The following PRKN variants were observed in gnomAD, a reference collection of about 807,000 sequenced individuals.
PRKN encodes the protein parkin RBR E3 ubiquitin protein ligase, also known as E3 ubiquitin-protein ligase parkin.
PRKN carries 56 observed loss-of-function variants against 59.5 expected under a neutral mutation model. The observed-to-expected ratio is 0.94, with a 90% confidence interval of 0.76 to 1.18. The LOEUF (loss-of-function observed/expected upper bound fraction) is 1.18. Ranked by LOEUF, PRKN falls within the 50% of genes most tolerant of loss-of-function variation. The pLI, the probability that PRKN is intolerant of heterozygous loss-of-function variation, is 0.00. For missense variants in PRKN, 657 were observed against 596.4 expected (o/e 1.10, Z -1.06); for synonymous variants, 250 against 222.1 (o/e 1.13, Z -1.12).
intron 9 of PRKN, among the ~76,000 whole-genome samples, chr6:161,450,207 C>T (rs1789667089): frequency 6.6e-6 from 1 of 152,190 alleles, no homozygotes; most frequent in South Asian, 2.1e-4. Flanking sequence ...CAAAGGAGGA[C>T]TTGCCCTGAT....
At chr6:161,891,965 A>C (rs1795359380) in intron 6 of PRKN, among the ~76,000 whole-genome samples, 1 of 126,836 alleles carries the variant, frequency 7.9e-6, no homozygotes, top group South Asian at 2.7e-4. Flanking sequence ...TTTTCTTGGA[A>C]GTGGATGGTT....
chr6:161,570,659 T>C (rs1420580136), intron 7 of PRKN, among the ~76,000 whole-genome samples: 1 of 152,180 alleles, frequency 6.6e-6, no homozygotes, highest in Non-Finnish European at 1.5e-5. Context: ...GAATATAGTA[T>C]ATAATACATA....
At chr6:161,696,367 G>C (rs1246412124) in intron 7 of PRKN, among the ~76,000 whole-genome samples, 1 of 152,128 alleles carries the variant, frequency 6.6e-6, no homozygotes, top group African/African-American at 2.4e-5. Flanking sequence ...AACAAATAAA[G>C]GGAAGAACTC....
chr6:162,339,528 C>A (rs1202220416), intron 2 of PRKN, among the ~76,000 whole-genome samples: 1 of 144,346 alleles, frequency 6.9e-6, no homozygotes, highest in Non-Finnish European at 1.6e-5. Context: ...GGGGTCAGCC[C>A]CCCGCCCGGC....
chr6:162,472,694 T>C (rs1416845234), intron 1 of PRKN, among the ~76,000 whole-genome samples: 1 of 125,708 alleles, frequency 8.0e-6, no homozygotes, highest in East Asian at 2.8e-4. Flanking sequence ...GGTTTCACCT[T>C]GTTAGCCAGG....
chr6:161,435,509 G>T (rs750786788), intron 9 of PRKN, among the ~76,000 whole-genome samples: 7 of 151,656 alleles, frequency 4.6e-5, no homozygotes, highest in South Asian at 4.2e-4. Flanking sequence ...AAATATTGGC[G>T]CATTAAAAAA....
intron 6 of PRKN, among the ~76,000 whole-genome samples, chr6:161,972,291 A>G (rs1007170793): frequency 2.0e-5 from 3 of 151,958 alleles, no homozygotes; most frequent in African/African-American, 7.3e-5. Context: ...AAAAAAAAAA[A>G]AGAGTTCTTC....
chr6:162,222,755 G>A (rs1777990274), intron 3 of PRKN, among the ~76,000 whole-genome samples: 1 of 152,054 alleles, frequency 6.6e-6, no homozygotes, highest in Admixed American at 6.6e-5. Context: ...GTCGTTTAAA[G>A]CCACTGCACT....
intron 1 of PRKN, among the ~76,000 whole-genome samples, chr6:162,484,788 T>C (rs1473113683): frequency 6.6e-6 from 1 of 152,232 alleles, no homozygotes; most frequent in East Asian, 1.9e-4. Context: ...CTCATTTGCC[T>C]ATTGGGCATT....
chr6:162,337,678 C>A (rs6455809), intron 2 of PRKN, among the ~76,000 whole-genome samples: 31,210 of 152,050 alleles, frequency 0.21, 3,591 homozygotes, highest in East Asian at 0.5. Flanking sequence ...CATCATCATT[C>A]CTCCTTGGCC....
intron 2 of PRKN, among the ~76,000 whole-genome samples, chr6:162,304,882 C>A (rs1252445391): frequency 6.6e-6 from 1 of 152,062 alleles, no homozygotes; most frequent in Non-Finnish European, 1.5e-5. Context: ...AATGGAAATC[C>A]AGGTTTTTAG....
At chr6:162,330,583 G>A (rs367784643) in intron 2 of PRKN, among the ~76,000 whole-genome samples, 66 of 152,308 alleles carry the variant, frequency 4.3e-4, no homozygotes, top group African/African-American at 1.6e-3. Context: ...AGTCTGCTAT[G>A]CATTCCTTCT....
At chr6:162,392,635 G>A (rs1046660524) in intron 2 of PRKN, among the ~76,000 whole-genome samples, 8 of 152,100 alleles carry the variant, frequency 5.3e-5, no homozygotes, top group African/African-American at 1.9e-4. Flanking sequence ...TATAGATTGA[G>A]GCCAACATTT....
At chr6:162,101,651 A>G (rs1299103788) in intron 4 of PRKN, among the ~76,000 whole-genome samples, 1 of 151,912 alleles carries the variant, frequency 6.6e-6, no homozygotes, top group Non-Finnish European at 1.5e-5. Context: ...CAGCCTAGGC[A>G]ACAGAGCGAG....
chr6:162,179,692 A>C (rs1783703613), intron 4 of PRKN, among the ~76,000 whole-genome samples: 1 of 152,136 alleles, frequency 6.6e-6, no homozygotes, highest in Non-Finnish European at 1.5e-5. Context: ...TGTCAACAAC[A>C]ACCAAGAAAA....
chr6:162,413,531 A>T (rs1359248476), intron 2 of PRKN, among the ~76,000 whole-genome samples: 2 of 152,230 alleles, frequency 1.3e-5, no homozygotes, highest in Non-Finnish European at 2.9e-5. Flanking sequence ...AGGCAACAAA[A>T]GTTGGTTTAG....
At chr6:162,390,173 A>G (rs556888578) in intron 2 of PRKN, among the ~76,000 whole-genome samples, 1 of 152,072 alleles carries the variant, frequency 6.6e-6, no homozygotes, top group African/African-American at 2.4e-5. Context: ...GAAAGAGTCC[A>G]GTTCTGACTC....
chr6:162,098,349 T>G (rs1779831848), intron 4 of PRKN, among the ~76,000 whole-genome samples: 1 of 152,074 alleles, frequency 6.6e-6, no homozygotes, highest in African/African-American at 2.4e-5. Context: ...ATGAGCAAAG[T>G]GAGGGGTTTT....
chr6:161,852,545 G>C (rs1793482234), intron 6 of PRKN, among the ~76,000 whole-genome samples: 2 of 152,054 alleles, frequency 1.3e-5, no homozygotes, highest in Admixed American at 1.3e-4. Flanking sequence ...CAGAATGTTA[G>C]GATTTCAAGG....
Sources: allele counts gnomAD v4.1 joint callset (sites outside exome capture counted in the v4.1 genomes callset), GRCh38; gene constraint gnomAD v4.1.1; transcripts MANE v1.5; gene names NCBI Gene and HGNC (gene_info 2026-07-23, HGNC 2026-07-21).